Variants in TEX52 observed in about 807,000 individuals in gnomAD.
TEX52 encodes testis expressed 52.
TEX52 carries 22 observed loss-of-function variants against 17.6 expected under a neutral mutation model. That is an observed-to-expected ratio of 1.25 (90% confidence interval 0.89 to 1.78). The LOEUF (loss-of-function observed/expected upper bound fraction) is 1.78. TEX52 is among the 40% of genes most tolerant of loss of function. TEX52 has a pLI of 0.00. For missense variants in TEX52, 396 were observed against 372.3 expected (o/e 1.06, Z -0.52); for synonymous variants, 168 against 147.4 (o/e 1.14, Z -1.01).
In TEX52 at chr12:2,856,958, C is replaced by T; in HGVS notation, c.69G>A (p.Leu23=). Residue 23 remains leucine, a synonymous_variant, in exon 1 of 3, where the codon CTG becomes CTA. Transcript: ENST00000637658. ...SHPSHMEEPF[L]QMVQASESLP... ...GCAGAGATGGGCCACCCCCTACCTG[C>T]AGGAAAGGTTCTTCCATATGAGATG... 1.4e-6 allele frequency: 1 copy of T among 703,042 alleles called. No homozygotes were observed. Among genetic ancestry groups the T allele is most frequent in the Non-Finnish European group, 2.6e-6 (1 of 385,008 alleles). 43.6% of individuals were successfully genotyped at this position (703,042 alleles called of 1,614,324 possible).
chr12:2,853,077 A>G (rs2098076139), intron 2 of TEX52, among the ~76,000 whole-genome samples: 1 of 152,110 alleles, frequency 6.6e-6, no homozygotes, highest in Non-Finnish European at 1.5e-5. Context: ...TAAATAATAC[A>G]GAGAAGTGTT....
In TEX52 at chr12:2,853,574, G is replaced by GT. The variant is rs199720090; in HGVS notation, c.623+1321dup. On this transcript the variant is annotated intron_variant, in intron 2 of 2. Transcript: ENST00000637658. The stretch of plus-strand genomic sequence containing the variant: ...AGGCGTGAGCCACCAGGCCCGGCCT[G>GT]TTTTTTTTGTTGTTGTTGTTGTTTT... Among the ~76,000 whole-genome samples the GT allele has an allele frequency of 5.5e-3, 823 of 150,432 alleles. 5 individuals are homozygous for GT. Among genetic ancestry groups the GT allele is most frequent in the East Asian group, 0.029 (147 of 5,078 alleles).
chr12:2,849,467 T>C lies in TEX52; in HGVS notation c.682A>G (p.Asn228Asp), dbSNP rs766999224. 2.0e-6 allele frequency: 3 copies of C among 1,536,158 alleles called. No individual in the cohort carries two copies. The highest frequency in any genetic ancestry group is 2.4e-5 in the South Asian group (2 of 84,064). The change falls in exon 3 of 3, where the codon AAC (asparagine) becomes GAC (aspartate). Residue 228 changes from asparagine to aspartate, a missense_variant. By Grantham distance (23) the Asn-to-Asp change is conservative. Coordinates refer to ENST00000637658, the MANE Select transcript of TEX52 (RefSeq NM_001365174.2). ...FEPQGLQLMP[N>D]PFPNNFARSW... is the part of the protein sequence containing the mutation. Reference sequence around the variant, plus strand: ...CTGGCGAAATTATTGGGAAACGGGTTGGGCATGAGCTGGAGGCCCTGGGGT... The same window carrying C: ...CTGGCGAAATTATTGGGAAACGGGTCGGGCATGAGCTGGAGGCCCTGGGGT...
At chr12:2,850,330 C>T (rs947364658) in intron 2 of TEX52, among the ~76,000 whole-genome samples, 1 of 151,882 alleles carries the variant, frequency 6.6e-6, no homozygotes, top group Non-Finnish European at 1.5e-5. Flanking sequence ...AAAAATTAGC[C>T]AGACATGGTG....
At chr12:2,850,653 T>TTTTTG (rs150335236) in intron 2 of TEX52, among the ~76,000 whole-genome samples, 5,940 of 97,680 alleles carry the variant, frequency 0.061, 151 homozygotes, top group African/African-American at 0.12. Context: ...AGAGTCTTTG[T>TTTTTG]TTTTGTTTTG....
At chr12:2,849,749 G>A (rs1030372063) in intron 2 of TEX52, among the ~76,000 whole-genome samples, 4 of 152,206 alleles carry the variant, frequency 2.6e-5, no homozygotes, top group Non-Finnish European at 5.9e-5. Flanking sequence ...ATAATGTCGT[G>A]CAGCTAGTAA....
intron 2 of TEX52, among the ~76,000 whole-genome samples, chr12:2,850,850 T>C (rs2098068077): frequency 6.6e-6 from 1 of 151,890 alleles, no homozygotes; most frequent in South Asian, 2.1e-4. Context: ...TTTTATATTT[T>C]TAGTAGAGAT....
chr12:2,852,177 T>A (rs1046411979), intron 2 of TEX52, among the ~76,000 whole-genome samples: 4 of 152,208 alleles, frequency 2.6e-5, no homozygotes, highest in Admixed American at 1.3e-4. Flanking sequence ...ACCTAATTCC[T>A]TGTCTGAGAC....
intron 2 of TEX52, among the ~76,000 whole-genome samples, chr12:2,850,921 C>T (rs886730273): frequency 6.6e-6 from 1 of 151,140 alleles, no homozygotes; most frequent in African/African-American, 2.4e-5. Context: ...ATTCGCCCGC[C>T]TTGGCCTCCC....
At position 2,857,032 on chromosome 12, in the gene TEX52, T is replaced by C. The variant is rs2153930113; in HGVS notation, c.-6A>G. On this transcript the variant is annotated 5_prime_UTR_variant, in exon 1 of 3. Coordinates refer to ENST00000637658, the MANE Select transcript of TEX52 (RefSeq NM_001365174.2). ...CTTTGCCGGTTACTGGCCATTCTTC[T>C]GGGCCTCAGAGCCAGGAGGGGCGGC... 1.4e-6 allele frequency: 1 copy of C among 702,980 alleles called. No individual in the cohort carries two copies. The highest frequency in any genetic ancestry group is 1.5e-5 in the South Asian group (1 of 67,600). The allele number at this position is 702,980 out of a possible 1,614,324, so 43.5% of individuals were successfully genotyped here.
chr12:2,853,828 C>T (rs1339662147), intron 2 of TEX52, among the ~76,000 whole-genome samples: 2 of 152,056 alleles, frequency 1.3e-5, no homozygotes, highest in African/African-American at 4.8e-5. Context: ...AGCGGCTCCT[C>T]TCAACGTTCC....
chr12:2,854,078 T>A (rs550872088), intron 2 of TEX52, among the ~76,000 whole-genome samples: 2 of 152,138 alleles, frequency 1.3e-5, no homozygotes, highest in Non-Finnish European at 2.9e-5. Context: ...CCGGCTGGAG[T>A]GCAATGGCAC....
At position 2,855,149 on chromosome 12, in the gene TEX52, G is replaced by A. The variant is rs1389867679; in HGVS notation, c.370C>T (p.Leu124=). The change falls in exon 2 of 3, where the codon CTG becomes TTG. Residue 124 remains leucine, a synonymous_variant. Coordinates refer to ENST00000637658, the MANE Select transcript of TEX52 (RefSeq NM_001365174.2). ...CATCTGTGGGCATTGGAGTCGGTCAGCCAGCGCCAGACATTGCTATCGTAG... is the reference window on the plus strand; with the variant it reads ...CATCTGTGGGCATTGGAGTCGGTCAACCAGCGCCAGACATTGCTATCGTAG... ...RPYDSNVWRW[L]TDSNAHRCPP... 6.5e-7 allele frequency: 1 copy of A among 1,528,716 alleles called. No individual in the cohort carries two copies. The highest frequency in any genetic ancestry group is 1.4e-5 in the African/African-American group (1 of 72,850). The allele number at this position is 1,528,716 out of a possible 1,614,324, so 94.7% of individuals were successfully genotyped here.
rs1467912459 is a variant in TEX52, at chr12:2,855,094, G to T, written c.425C>A (p.Pro142His). The change falls in exon 2 of 3, where the codon CCC becomes CAC. Residue 142 changes from proline (P) to histidine (H), a missense_variant. Transcript: ENST00000637658. ...GAAGCTGTTTTGCCCCATCCAGGAG[G>T]GAGGGGGGATGGGGTGCTCCGTGGG... ...CPPTEHPIPP[P>H]SWMGQNSFLT... The T allele has an allele frequency of 6.5e-7, 1 of 1,535,928 alleles. No homozygotes were observed. Among genetic ancestry groups the T allele is most frequent in the East Asian group, 2.4e-5 (1 of 40,890 alleles).
chr12:2,854,537 C>A (rs2098081192), intron 2 of TEX52, among the ~76,000 whole-genome samples: 1 of 152,074 alleles, frequency 6.6e-6, no homozygotes, highest in Non-Finnish European at 1.5e-5. Context: ...TAACTGACTT[C>A]CTTACAACAC....
chr12:2,854,411 C>G (rs926996574), intron 2 of TEX52, among the ~76,000 whole-genome samples: 6 of 152,230 alleles, frequency 3.9e-5, no homozygotes, highest in South Asian at 2.1e-4. Context: ...GAGGCTCCCC[C>G]CTTCATCGGT....
downstream of TEX52, among the ~76,000 whole-genome samples, chr12:2,848,448 G>C (rs1268744216): frequency 2.0e-5 from 3 of 152,170 alleles, no homozygotes; most frequent in Non-Finnish European, 4.4e-5. Context: ...GAGGCCCAAG[G>C]CCTCTGGGCT....
At chr12:2,853,833 C>T (rs1449576156) in intron 2 of TEX52, among the ~76,000 whole-genome samples, 2 of 152,168 alleles carry the variant, frequency 1.3e-5, no homozygotes, top group South Asian at 2.1e-4. Flanking sequence ...CTCCTCTCAA[C>T]GTTCCTGGCT....
intron 2 of TEX52, among the ~76,000 whole-genome samples, chr12:2,851,975 G>A (rs893266488): frequency 2.0e-5 from 3 of 152,176 alleles, no homozygotes; most frequent in Admixed American, 6.5e-5. Flanking sequence ...CACCATTCCC[G>A]GTCCACTAAA....
Sources: allele counts gnomAD v4.1 joint callset (sites outside exome capture counted in the v4.1 genomes callset), GRCh38; gene constraint gnomAD v4.1.1; transcripts MANE v1.5; gene names NCBI Gene and HGNC (gene_info 2026-07-23, HGNC 2026-07-21).